Variants in PIGX observed in about 807,000 individuals in gnomAD.
The protein encoded by PIGX is phosphatidylinositol glycan anchor biosynthesis class X.
A neutral mutation model predicts 28.7 loss-of-function variants in PIGX; 24 were observed. The observed-to-expected ratio is 0.84, with a 90% CI of 0.60 to 1.17. The LOEUF is 1.17. Ranked by LOEUF, PIGX falls within the 50% of genes most tolerant of loss-of-function variation. The pLI is 0.00. For missense variants in PIGX, 305 were observed against 317.8 expected, an observed-to-expected ratio of 0.96 and a Z score of 0.31; for synonymous variants, 127 against 121.0, an observed-to-expected ratio of 1.05 and a Z score of -0.33.
intron 3 of PIGX, among the ~76,000 whole-genome samples, chr3:196,725,703 A>AC (rs1712491858): frequency 6.6e-6 from 1 of 152,164 alleles, no homozygotes; most frequent in Non-Finnish European, 1.5e-5. Flanking sequence ...TGACAAAATG[A>AC]GCGGTAACAG....
At chr3:196,719,920 C>T (rs1712248192) in intron 2 of PIGX, among the ~76,000 whole-genome samples, 1 of 152,122 alleles carries the variant, frequency 6.6e-6, no homozygotes, top group Non-Finnish European at 1.5e-5. Flanking sequence ...CTCCCGATTA[C>T]AGGCGCCTGC....
intron 5 of PIGX, among the ~76,000 whole-genome samples, chr3:196,731,767 G>A (rs932200935): frequency 3.3e-5 from 5 of 152,128 alleles, no homozygotes; most frequent in African/African-American, 1.2e-4. Flanking sequence ...AAATTAGTGT[G>A]TATTGCTACA....
chr3:196,732,237 TATATATATATA>T (rs1712805879), intron 5 of PIGX, among the ~76,000 whole-genome samples: 3 of 63,208 alleles, frequency 4.7e-5, no homozygotes, highest in African/African-American at 1.5e-4. Context: ...TATATATATA[TATATATATATA>T]TATATATATT....
intron 3 of PIGX, among the ~76,000 whole-genome samples, chr3:196,727,007 G>A (rs1712548433): frequency 6.6e-6 from 1 of 152,138 alleles, no homozygotes; most frequent in South Asian, 2.1e-4. Context: ...TGTTCCTGCT[G>A]TGACTAACTG....
Position 196,733,119 on chromosome 3 carries a change from T to C in PIGX, c.634-640T>C, listed in dbSNP as rs1712878022. Reference sequence around the variant, plus strand: ...TGGTAAGAGGAAGTAAATGTTTATATTGATTACAGAGGTGACACTGGGATA... The same window carrying C: ...TGGTAAGAGGAAGTAAATGTTTATACTGATTACAGAGGTGACACTGGGATA... On this transcript the variant is annotated intron_variant, in intron 5 of 5. Transcript: ENST00000392391. This position sits in a 1 kb window ranked among gnomAD's most constrained non-coding sequence, Gnocchi z 4.3. Among the ~76,000 whole-genome samples the C allele has an allele frequency of 6.6e-6, 1 of 152,234 alleles. No homozygotes were observed.
At chr3:196,716,102 C>T (rs920542872) in intron 1 of PIGX, among the ~76,000 whole-genome samples, 2 of 152,108 alleles carry the variant, frequency 1.3e-5, no homozygotes, top group South Asian at 4.1e-4. Context: ...AGCCCCCATC[C>T]CCTGGGTTCA....
chr3:196,713,115 A>G lies in PIGX; in HGVS notation c.112+471A>G, dbSNP rs78016255. On this transcript the variant is annotated intron_variant, in intron 1 of 5. Coordinates refer to ENST00000392391, the MANE Select transcript of PIGX (RefSeq NM_017861.4). Reference sequence around the variant, plus strand: ...GAGACGGGCAAGTGCGGGAATAATTACAATAAAGGGTAAGGTTTGATGGGA... The same window carrying G: ...GAGACGGGCAAGTGCGGGAATAATTGCAATAAAGGGTAAGGTTTGATGGGA... The G allele has an allele frequency of 1.4e-3, 1,373 of 984,308 alleles. 18 individuals are homozygous for G. The African/African-American group carries it at 0.023, about 16-fold the overall frequency. 61.0% of individuals were successfully genotyped at this position (984,308 alleles called of 1,614,324 possible).
chr3:196,721,254 C>CT, intron 2 of PIGX: 1 of 334,726 alleles, frequency 3.0e-6, no homozygotes, highest in Non-Finnish European at 5.7e-6. Flanking sequence ...TCTCCCTGGT[C>CT]TTTTTTCCTC....
intron 5 of PIGX, among the ~76,000 whole-genome samples, chr3:196,731,862 T>C (rs1006100481): frequency 1.3e-5 from 2 of 152,114 alleles, no homozygotes; most frequent in South Asian, 4.1e-4. Flanking sequence ...AGTCTCGCTC[T>C]GTTGCCCAGG....
rs1173036494 is a variant in PIGX at position 196,716,869 on chromosome 3, ATG to A, written c.128_129del (p.Cys43PhefsTer2). 1.2e-6 allele frequency: 2 copies of A among 1,603,158 alleles called. No homozygotes were observed. Among genetic ancestry groups the A allele is most frequent in the East Asian group, 4.5e-5 (2 of 44,696 alleles). On this transcript the variant is annotated frameshift_variant, in exon 2 of 6. Transcript: ENST00000392391. LOFTEE classifies it high-confidence loss of function. Reference sequence around the variant, plus strand: ...TTTGGTTCTTATAGGCATAAGGGCCATGTGTTCTGAAATTATTTTGAGGCAAG... The same window carrying A: ...TTTGGTTCTTATAGGCATAAGGGCCATGTTCTGAAATTATTTTGAGGCAAG...
rs1577683441 is a variant in PIGX, at chr3:196,733,595, A to G, written c.634-164A>G. On this transcript the variant is annotated intron_variant, in intron 5 of 5. Transcript: ENST00000392391. This position sits in a 1 kb window ranked among gnomAD's most constrained non-coding sequence, Gnocchi z 4.3. ...CCTGGCTAATTTTTGTATTTTTAGT[A>G]GAGATGGTTTAGTAGAGATGTTGGC... is the stretch of plus-strand genomic sequence containing the variant. Among the ~76,000 whole-genome samples, 2 of 152,152 alleles carry G rather than the reference A, an allele frequency of 1.3e-5. No homozygotes were observed. Among genetic ancestry groups the G allele is most frequent in the African/African-American group, 4.8e-5 (2 of 41,518 alleles).
At chr3:196,732,305 G>A (rs1358848181) in intron 5 of PIGX, among the ~76,000 whole-genome samples, 61 of 91,258 alleles carry the variant, frequency 6.7e-4, no homozygotes, top group African/African-American at 1.6e-3. Context: ...TTTTTGAGAC[G>A]GAGTCTCGCT....
rs757270615 is a variant in PIGX, at chr3:196,733,785, T to A, written c.660T>A (p.Val220=). 7 of 1,592,212 alleles carry A rather than the reference T, an allele frequency of 4.4e-6. No homozygotes were observed. In the South Asian group the frequency reaches 7.7e-5, roughly 18 times the overall value. Reference sequence around the variant, plus strand: ...TATATAAGAATGTGATTCTACAAGTTCCAGTGGGACTGACTGTACATACCT... The same window carrying A: ...TATATAAGAATGTGATTCTACAAGTACCAGTGGGACTGACTGTACATACCT... Residue 220 remains valine (V), a synonymous_variant, in exon 6 of 6, where the codon GTT becomes GTA. Coordinates refer to ENST00000392391, the MANE Select transcript of PIGX (RefSeq NM_017861.4). This position sits in a 1 kb window ranked among gnomAD's most constrained non-coding sequence, Gnocchi z 4.3.
At chr3:196,728,421 C>A in intron 4 of PIGX, 1 of 589,032 alleles carries the variant, frequency 1.7e-6, no homozygotes, top group South Asian at 2.2e-5. Flanking sequence ...AAGACGAACC[C>A]ACCATCCTGA....
chr3:196,721,512 T>G (rs1244172888), intron 2 of PIGX, among the ~76,000 whole-genome samples: 1 of 152,030 alleles, frequency 6.6e-6, no homozygotes, highest in African/African-American at 2.4e-5. Flanking sequence ...CAGAGCTCAC[T>G]GCAGCCTCGA....
At chr3:196,716,525 A>G (rs1336822988) in intron 1 of PIGX, among the ~76,000 whole-genome samples, 1 of 152,146 alleles carries the variant, frequency 6.6e-6, no homozygotes, top group South Asian at 2.1e-4. Flanking sequence ...TATTCTTACT[A>G]CTGTTCTAAG....
At chr3:196,722,910 G>A (rs57407890) in intron 3 of PIGX, among the ~76,000 whole-genome samples, 4,707 of 152,220 alleles carry the variant, frequency 0.031, 163 homozygotes, top group Admixed American at 0.096. Context: ...GATATGTGAG[G>A]AGAAGAAACT....
In PIGX at chr3:196,713,227, T is replaced by G. The variant is rs145561418; in HGVS notation, c.112+583T>G. The G allele has an allele frequency of 4.5e-5, 14 of 311,964 alleles. No homozygotes were observed. In the East Asian group the frequency reaches 1.7e-3, roughly 38 times the overall value. The allele number at this position is 311,964 out of a possible 1,614,324, so 19.3% of individuals were successfully genotyped here. On this transcript the variant is annotated intron_variant, in intron 1 of 5. Transcript: ENST00000392391. ...GTATCATTTAGATCCGTTTAGTATC[T>G]GTCAATCAGTGCAGTTCTGCTTGTG...
chr3:196,716,831 T>TAA, intron 1 of PIGX, 27 bp from the exon 2 acceptor site: 4 of 1,343,970 alleles, frequency 3.0e-6, no homozygotes, highest in South Asian at 1.4e-5. Flanking sequence ...CTTTTGTTTT[T>TAA]AAAAAAAAAT....
Sources: gnomAD v4.1 joint callset for allele counts (sites outside exome capture counted in the v4.1 genomes callset) on GRCh38, gnomAD v4.1.1 for gene constraint, Gnocchi (gnomAD v3.1) non-coding constraint, MANE v1.5 for transcripts, NCBI Gene and HGNC (gene_info 2026-07-23, HGNC 2026-07-21) for gene names.